Variants in DENND1A observed in about 807,000 individuals in gnomAD.
DENND1A encodes DENN domain containing 1A.
A neutral mutation model predicts 113.7 loss-of-function variants in DENND1A; 51 were observed. The ratio of observed to expected loss-of-function variants is 0.45; its 90% CI spans 0.36 to 0.57. The LOEUF is 0.57. Among genes scored for constraint, DENND1A ranks in the 20% least tolerant of loss-of-function variants. The pLI is 0.00. For missense variants in DENND1A, 1,258 were observed against 1,395.9 expected (o/e 0.90, Z 1.57); for synonymous variants, 565 against 570.8 (o/e 0.99, Z 0.14).
At chr9:123,567,093 A>G (rs2058096421) in intron 12 of DENND1A, among the ~76,000 whole-genome samples, 1 of 152,210 alleles carries the variant, frequency 6.6e-6, no homozygotes, top group South Asian at 2.1e-4. Flanking sequence ...GCATGTATGC[A>G]TACACATACA....
chr9:123,597,389 G>A (rs982395818), intron 11 of DENND1A, among the ~76,000 whole-genome samples: 2 of 152,094 alleles, frequency 1.3e-5, no homozygotes, highest in Admixed American at 1.3e-4. Context: ...CAAACTACAG[G>A]GGGTCTTAAA....
intron 8 of DENND1A, among the ~76,000 whole-genome samples, chr9:123,666,057 G>A (rs2063479740): frequency 6.6e-6 from 1 of 152,194 alleles, no homozygotes; most frequent in Admixed American, 6.6e-5. Context: ...GGGTTGGGGA[G>A]ACAGGGTAAT....
At chr9:123,835,734 A>G (rs541324003) in intron 2 of DENND1A, among the ~76,000 whole-genome samples, 1 of 152,056 alleles carries the variant, frequency 6.6e-6, no homozygotes, top group African/African-American at 2.4e-5. Flanking sequence ...CCTCCACCAC[A>G]CACTTCGTTC....
intron 1 of DENND1A, among the ~76,000 whole-genome samples, chr9:123,911,839 C>T (rs1854034860): frequency 1.3e-5 from 2 of 152,054 alleles, no homozygotes; most frequent in African/African-American, 2.4e-5. Context: ...TACAGGTGCC[C>T]GCCACCATGC....
intron 21 of DENND1A, among the ~76,000 whole-genome samples, chr9:123,399,632 G>A (rs1421182310): frequency 6.6e-6 from 1 of 152,220 alleles, no homozygotes; most frequent in Non-Finnish European, 1.5e-5. Flanking sequence ...TTCTTTGGCG[G>A]TGAGAAGACT....
chr9:123,412,938 C>T (rs976511448), intron 19 of DENND1A, among the ~76,000 whole-genome samples: 2 of 152,244 alleles, frequency 1.3e-5, no homozygotes, highest in Non-Finnish European at 2.9e-5. Context: ...AATCCCAGCA[C>T]TTTGGGAGGC....
rs545045217 is a variant in DENND1A, at chr9:123,813,252, G to C, written c.89-20622C>G. ...TGTGGGATTACAGGTGTGAGCCACT[G>C]TATCTGGCTTTGTTTGTGCTTTTTT... is the stretch of plus-strand genomic sequence containing the variant. On this transcript the variant is annotated intron_variant, in intron 2 of 23. Coordinates refer to ENST00000394215, the MANE Select transcript of DENND1A (RefSeq NM_001352964.2). Among the ~76,000 whole-genome samples, 350 of 152,308 alleles carry C rather than the reference G, an allele frequency of 2.3e-3. 3 individuals are homozygous for C. The highest frequency in any genetic ancestry group is 4.5e-3 in the Non-Finnish European group (304 of 68,018).
chr9:123,599,324 GT>G (rs1335097390), intron 11 of DENND1A, among the ~76,000 whole-genome samples: 24 of 152,298 alleles, frequency 1.6e-4, no homozygotes, highest in Non-Finnish European at 2.8e-4. Context: ...CTCTCTGGAT[GT>G]TTAACTTTAG....
intron 19 of DENND1A, among the ~76,000 whole-genome samples, chr9:123,427,453 C>T (rs1342276647): frequency 1.3e-5 from 2 of 152,182 alleles, no homozygotes; most frequent in East Asian, 3.9e-4. Context: ...GACAGCTGTG[C>T]CCATCTCTAC....
chr9:123,642,015 GGGA>G (rs1564870384), intron 9 of DENND1A, among the ~76,000 whole-genome samples: 2 of 152,182 alleles, frequency 1.3e-5, no homozygotes, highest in Non-Finnish European at 2.9e-5. Flanking sequence ...TTGAAGCAAT[GGGA>G]GAAGAGGCAG....
rs75674478 is a variant in DENND1A, at chr9:123,685,036, T to C, written c.303-8247A>G. On this transcript the variant is annotated intron_variant, in intron 5 of 23. Transcript: ENST00000394215. Reference sequence around the variant, plus strand: ...GTCAGGAGACCCACCTGGGTTTGAGTACCAGCTCTGTTACTTACTGGCTGT... The same window carrying C: ...GTCAGGAGACCCACCTGGGTTTGAGCACCAGCTCTGTTACTTACTGGCTGT... Among the ~76,000 whole-genome samples, 22 of 152,346 alleles carry C rather than the reference T, an allele frequency of 1.4e-4. No homozygotes were observed. The East Asian group carries it at 3.7e-3, about 25-fold the overall frequency.
chr9:123,484,776 G>A (rs1371699395), intron 13 of DENND1A, among the ~76,000 whole-genome samples: 1 of 152,166 alleles, frequency 6.6e-6, no homozygotes, highest in Non-Finnish European at 1.5e-5. Flanking sequence ...TGACTTCACT[G>A]TGGCCCTCAG....
intron 1 of DENND1A, among the ~76,000 whole-genome samples, chr9:123,916,668 C>T (rs948154536): frequency 1.3e-5 from 2 of 152,000 alleles, no homozygotes; most frequent in Admixed American, 6.6e-5. Context: ...CCACTGTGCC[C>T]GGCTGCCTTT....
At chr9:123,630,507 C>G in intron 9 of DENND1A, 31 bp from the exon 10 acceptor site, 2 of 1,459,784 alleles carry the variant, frequency 1.4e-6, no homozygotes, top group Non-Finnish European at 1.8e-6. Context: ...GATCAATGAA[C>G]AAATCCAAGG....
chr9:123,807,247 A>G (rs375479568), intron 2 of DENND1A, among the ~76,000 whole-genome samples: 4 of 152,162 alleles, frequency 2.6e-5, no homozygotes, highest in East Asian at 3.9e-4. Context: ...TATTTTTAAT[A>G]AGATTCATAA....
chr9:123,727,153 G>C (rs1564146921), intron 5 of DENND1A, among the ~76,000 whole-genome samples: 1 of 152,206 alleles, frequency 6.6e-6, no homozygotes, highest in Non-Finnish European at 1.5e-5. Flanking sequence ...ATGAACAGGA[G>C]ATGGTACAGA....
At chr9:123,483,593 G>A (rs116454482) in intron 13 of DENND1A, among the ~76,000 whole-genome samples, 2,747 of 152,338 alleles carry the variant, frequency 0.018, 72 homozygotes, top group African/African-American at 0.06. Flanking sequence ...GGTCTGTTCC[G>A]GGTTCCATGT....
chr9:123,918,407 GA>G lies in DENND1A; in HGVS notation c.17+11481del, dbSNP rs555673532. ...GGAGGCTGAAGCAGGAGAATGGCGTGAACCCGGGAGGCGGAGCTTGCAGTGA... is the reference window on the plus strand; with the variant it reads ...GGAGGCTGAAGCAGGAGAATGGCGTGACCCGGGAGGCGGAGCTTGCAGTGA... On this transcript the variant is annotated intron_variant, in intron 1 of 23. Coordinates refer to ENST00000394215, the MANE Select transcript of DENND1A (RefSeq NM_001352964.2). Among the ~76,000 whole-genome samples, 728 of 151,510 alleles carry G rather than the reference GA, an allele frequency of 4.8e-3. 3 individuals are homozygous for G. The highest frequency in any genetic ancestry group is 0.017 in the African/African-American group (711 of 41,280).
chr9:123,400,337 A>G (rs1464631194), intron 21 of DENND1A: 1 of 152,268 alleles, frequency 6.6e-6, no homozygotes, highest in African/African-American at 2.4e-5. Context: ...GCCTCCTTTA[A>G]AAAAATCGTC....
Sources: gnomAD v4.1 joint callset for allele counts (sites outside exome capture counted in the v4.1 genomes callset) on GRCh38, gnomAD v4.1.1 for gene constraint, MANE v1.5 for transcripts, NCBI Gene and HGNC (gene_info 2026-07-23, HGNC 2026-07-21) for gene names.